The following DCC variants were observed in gnomAD, a reference collection of about 807,000 sequenced individuals.
The protein encoded by DCC is netrin receptor DCC.
Under a neutral mutation model 172.5 loss-of-function variants are expected in DCC, and 58 were observed. That is an observed-to-expected ratio of 0.34 (90% CI 0.27 to 0.42). The LOEUF (loss-of-function observed/expected upper bound fraction) is 0.42, where lower values mean the gene tolerates loss of function less well. Among genes scored for constraint, DCC ranks in the 10% least tolerant of loss-of-function variants. The probability of loss-of-function intolerance (pLI) is 1.00; values close to 1 mark genes in which losing one functional copy is unlikely to be tolerated. For missense variants in DCC, 1,740 were observed against 1,791.0 expected (o/e 0.97, Z 0.51); for synonymous variants, 709 against 644.5 (o/e 1.10, Z -1.52).
At chr18:52,786,656 A>G (rs1248678911) in intron 2 of DCC, among the ~76,000 whole-genome samples, 2 of 152,136 alleles carry the variant, frequency 1.3e-5, no homozygotes, top group Non-Finnish European at 2.9e-5. Context: ...CCATAGGTTT[A>G]TATTCTCTAA....
intron 25 of DCC, among the ~76,000 whole-genome samples, chr18:53,474,616 C>T (rs1027362503): frequency 3.3e-5 from 5 of 152,196 alleles, no homozygotes; most frequent in Admixed American, 2.0e-4. Flanking sequence ...CCATGTGAGA[C>T]GTGCCTTTCA....
chr18:53,347,615 A>T (rs956454880), intron 15 of DCC, among the ~76,000 whole-genome samples: 1 of 152,202 alleles, frequency 6.6e-6, no homozygotes, highest in African/African-American at 2.4e-5. Flanking sequence ...ACTCTGAAAT[A>T]TATAACTTAG....
chr18:53,454,157 G>A (rs2045453097), intron 23 of DCC, among the ~76,000 whole-genome samples: 1 of 152,140 alleles, frequency 6.6e-6, no homozygotes, highest in Non-Finnish European at 1.5e-5. Flanking sequence ...AGACCAGCCT[G>A]GGCCACATAG....
At chr18:52,413,417 A>G (rs779644993) in intron 1 of DCC, among the ~76,000 whole-genome samples, 4 of 150,772 alleles carry the variant, frequency 2.7e-5, no homozygotes, top group Non-Finnish European at 3.0e-5. Flanking sequence ...TCATATAGTT[A>G]CTTTTGCATC....
At chr18:52,690,375 C>A (rs560532871) in intron 1 of DCC, among the ~76,000 whole-genome samples, 1 of 152,072 alleles carries the variant, frequency 6.6e-6, no homozygotes, top group Non-Finnish European at 1.5e-5. Flanking sequence ...GGCTTCACAG[C>A]AGAGGTGACA....
intron 7 of DCC, among the ~76,000 whole-genome samples, chr18:53,126,878 G>T (rs1192908468): frequency 6.6e-6 from 1 of 152,086 alleles, no homozygotes; most frequent in African/African-American, 2.4e-5. Flanking sequence ...CTTAAAATGA[G>T]GTTATGCTGT....
At chr18:52,817,665 T>A (rs2145263637) in intron 2 of DCC, among the ~76,000 whole-genome samples, 1 of 152,258 alleles carries the variant, frequency 6.6e-6, no homozygotes, top group Admixed American at 6.5e-5. Context: ...TGAAAACGTA[T>A]TTGCCTAATG....
chr18:52,374,128 G>A (rs62083511), intron 1 of DCC, among the ~76,000 whole-genome samples: 12,057 of 151,634 alleles, frequency 0.08, 916 homozygotes, highest in African/African-American at 0.19. Context: ...TCCTGACCTC[G>A]TGATCTGCCT....
chr18:52,777,212 TAACA>T (rs1456914625), intron 2 of DCC, among the ~76,000 whole-genome samples: 4 of 152,180 alleles, frequency 2.6e-5, no homozygotes, highest in Non-Finnish European at 4.4e-5. Context: ...ATGGCTGCCA[TAACA>T]AACTGGATGG....
At chr18:53,354,064 C>A (rs1374123475) in intron 15 of DCC, among the ~76,000 whole-genome samples, 1 of 152,168 alleles carries the variant, frequency 6.6e-6, no homozygotes, top group Non-Finnish European at 1.5e-5. Flanking sequence ...TTTCCAGTTT[C>A]ATCCATGTCC....
chr18:53,411,755 C>T (rs1344835083), intron 20 of DCC, among the ~76,000 whole-genome samples: 4 of 151,952 alleles, frequency 2.6e-5, no homozygotes, highest in Admixed American at 6.6e-5. Context: ...TTCTTAATGG[C>T]GGAGTAGAAG....
At chr18:52,534,158 A>G (rs2032226607) in intron 1 of DCC, among the ~76,000 whole-genome samples, 1 of 152,050 alleles carries the variant, frequency 6.6e-6, no homozygotes, top group Admixed American at 6.6e-5. Context: ...ATTTTTTTTC[A>G]TATTAGGATA....
Position 53,459,061 on chromosome 18 carries a change from G to C in DCC, c.3393-171G>C, listed in dbSNP as rs182490682. Among the ~76,000 whole-genome samples the C allele has an allele frequency of 2.4e-4, 36 of 152,302 alleles. No homozygotes were observed. The East Asian group carries it at 6.4e-3, about 27-fold the overall frequency. On this transcript the variant is annotated intron_variant, in intron 23 of 28. Coordinates refer to ENST00000442544, the MANE Select transcript of DCC (RefSeq NM_005215.4). ...CTTTATAATGTGGTGAAGCTCCAGG[G>C]GGGAAGAGGAAAGGCAGCCAAGACA... is the stretch of plus-strand genomic sequence containing the variant.
intron 12 of DCC, among the ~76,000 whole-genome samples, chr18:53,255,043 G>A (rs1444092278): frequency 4.6e-5 from 7 of 151,920 alleles, no homozygotes; most frequent in Non-Finnish European, 1.0e-4. Context: ...GAAACAATGA[G>A]TCAGCTATTA....
In DCC at chr18:53,264,449, C is replaced by T. The variant is rs112223667; in HGVS notation, c.1912-41129C>T. On this transcript the variant is annotated intron_variant, in intron 12 of 28. Coordinates refer to ENST00000442544, the MANE Select transcript of DCC (RefSeq NM_005215.4). ...TGAGATTGCGCCACTGCACTCCACC[C>T]TGGGCGAAACGAGCAAAACTCCGTC... 2.8e-5 allele frequency among the ~76,000 whole-genome samples: 4 copies of T among 143,408 alleles called. 1 individual carries two copies. The highest frequency in any genetic ancestry group is 2.0e-4 in the East Asian group (1 of 4,900). The allele number at this position is 143,408 out of a possible 152,430, so 94.1% of individuals were successfully genotyped here. A position where few individuals can be genotyped will look rare whatever the true frequency, so the allele number is the denominator to read the frequency against.
intron 2 of DCC, among the ~76,000 whole-genome samples, chr18:52,774,724 C>G (rs772388086): frequency 7.2e-5 from 11 of 151,788 alleles, no homozygotes; most frequent in Non-Finnish European, 1.3e-4. Flanking sequence ...CAGCCCCACT[C>G]ATGGCTGCTG....
At chr18:52,655,194 C>T (rs1372726193) in intron 1 of DCC, among the ~76,000 whole-genome samples, 1 of 152,044 alleles carries the variant, frequency 6.6e-6, no homozygotes, top group Non-Finnish European at 1.5e-5. Context: ...TTCATTCAAG[C>T]ACAGTTGTTG....
At chr18:52,926,862 TATATATACATATACATATATACAC>T (rs2040211579) in intron 5 of DCC, among the ~76,000 whole-genome samples, 1 of 146,266 alleles carries the variant, frequency 6.8e-6, no homozygotes, top group Non-Finnish European at 1.5e-5. Context: ...CGTGTGTGTG[TATATATACATATACATATATACAC>T]ACACATACAT....
chr18:53,492,613 T>C (rs1464817888), intron 26 of DCC, among the ~76,000 whole-genome samples: 1 of 152,154 alleles, frequency 6.6e-6, no homozygotes, highest in Non-Finnish European at 1.5e-5. Flanking sequence ...ATCAGATGGT[T>C]GTAGATGTGT....
Sources: gnomAD v4.1 joint callset for allele counts (sites outside exome capture counted in the v4.1 genomes callset) on GRCh38, gnomAD v4.1.1 for gene constraint, MANE v1.5 for transcripts, NCBI Gene and HGNC (gene_info 2026-07-23, HGNC 2026-07-21) for gene names.